PCDH15: variants seen among roughly 807,000 people sequenced by gnomAD.
PCDH15 encodes protocadherin-15.
PCDH15 carries 129 observed loss-of-function variants against 178.5 expected under a neutral mutation model. The observed-to-expected ratio is 0.72, with a 90% CI of 0.63 to 0.84. The LOEUF (loss-of-function observed/expected upper bound fraction) is 0.84, where lower values mean the gene tolerates loss of function less well. Ranked by LOEUF, PCDH15 falls within the 40% of genes least tolerant of loss-of-function variation. The pLI is 0.00. For synonymous variants in PCDH15, 800 were observed against 732.0 expected (o/e 1.09, Z -1.50); for missense variants, 2,230 against 2,099.9 (o/e 1.06, Z -1.21).
Position 55,170,534 on chromosome 10 carries a change from A to T in PCDH15, c.-155-3883T>A, listed in dbSNP as rs570716817. Among the ~76,000 whole-genome samples the T allele has an allele frequency of 2.8e-4, 43 of 152,192 alleles. No individual in the cohort carries two copies. In the South Asian group the frequency reaches 6.8e-3, roughly 24 times the overall value. On this transcript the variant is annotated intron_variant, in intron 1 of 5. Transcript: ENST00000458638. ...GGAAAAGAGAAAAATGTGCTAAGAA[A>T]TTTTTTAAAATGTGATTCCTAGTAG...
chr10:55,206,001 C>T (rs1840388924), intron 1 of PCDH15, among the ~76,000 whole-genome samples: 1 of 151,916 alleles, frequency 6.6e-6, no homozygotes, highest in Non-Finnish European at 1.5e-5. Context: ...ACGAGAACAG[C>T]ATGAGAAAGA....
chr10:54,669,362 CAT>C (rs2094621115), intron 1 of PCDH15, among the ~76,000 whole-genome samples: 1 of 150,558 alleles, frequency 6.6e-6, no homozygotes, highest in African/African-American at 2.4e-5. Flanking sequence ...AAGTTTATAT[CAT>C]ATATTCATCT....
rs1564960443 is a variant in PCDH15, at chr10:53,995,762, T to TA, written c.2754dup (p.Met919TyrfsTer3). On this transcript the variant is annotated frameshift_variant, in exon 21 of 38. Transcript: ENST00000644397. LOFTEE classifies it high-confidence loss of function. ...CTAAAGACAGGAGGATAATCATTCATATCCTGTAAAACACAATTAGGAGTT... is the reference window on the plus strand; with the variant it reads ...CTAAAGACAGGAGGATAATCATTCATAATCCTGTAAAACACAATTAGGAGTT... 1 of 1,613,358 alleles carries TA rather than the reference T, an allele frequency of 6.2e-7. No homozygotes were observed. Among genetic ancestry groups the TA allele is most frequent in the Non-Finnish European group, 8.5e-7 (1 of 1,179,346 alleles).
intron 2 of PCDH15, among the ~76,000 whole-genome samples, chr10:54,949,134 C>T (rs780626604): frequency 1.3e-5 from 2 of 151,584 alleles, no homozygotes; most frequent in Non-Finnish European, 2.9e-5. Flanking sequence ...ATAAATTTTC[C>T]CCTAACTTTA....
At chr10:55,055,817 A>G (rs1841284834) in intron 2 of PCDH15, among the ~76,000 whole-genome samples, 1 of 152,126 alleles carries the variant, frequency 6.6e-6, no homozygotes, top group South Asian at 2.1e-4. Context: ...TCAAAAATCA[A>G]TAAATAAAAA....
intron 2 of PCDH15, among the ~76,000 whole-genome samples, chr10:54,982,147 C>A (rs182938543): frequency 6.6e-6 from 1 of 151,990 alleles, no homozygotes; most frequent in Non-Finnish European, 1.5e-5. Context: ...TATAAATAAA[C>A]AGCAATTATG....
intron 2 of PCDH15, among the ~76,000 whole-genome samples, chr10:55,349,569 A>G (rs545841010): frequency 1.2e-3 from 190 of 152,224 alleles, no homozygotes; most frequent in African/African-American, 3.9e-3. Flanking sequence ...CTCTTCTCAC[A>G]GCACATAACA....
At chr10:55,433,983 T>C (rs914273436) in intron 2 of PCDH15, among the ~76,000 whole-genome samples, 1 of 152,032 alleles carries the variant, frequency 6.6e-6, no homozygotes, top group East Asian at 1.9e-4. Context: ...TCTAATGCTC[T>C]TTTTCTATAT....
At position 54,369,450 on chromosome 10, in the gene PCDH15, T is replaced by C. The variant is rs542270962; in HGVS notation, c.319-175A>G. Among the ~76,000 whole-genome samples the C allele has an allele frequency of 2.6e-3, 394 of 152,144 alleles. 1 individual carries two copies. Among genetic ancestry groups the C allele is most frequent in the Non-Finnish European group, 3.6e-3 (247 of 67,996 alleles). On this transcript the variant is annotated intron_variant, in intron 4 of 37. Coordinates refer to ENST00000644397, the MANE Select transcript of PCDH15 (RefSeq NM_001384140.1). ...AGAGAAGACAATCATAATTAATTTA[T>C]TGTTTAATTTTGTATCTCAGCGTGT...
intron 1 of PCDH15, among the ~76,000 whole-genome samples, chr10:55,189,280 T>A (rs1839880366): frequency 6.6e-6 from 1 of 152,052 alleles, no homozygotes; most frequent in African/African-American, 2.4e-5. Context: ...CTAAAAAAAT[T>A]GACAATAGGA....
At chr10:55,522,891 C>T (rs1000263808) in intron 2 of PCDH15, among the ~76,000 whole-genome samples, 2 of 151,076 alleles carry the variant, frequency 1.3e-5, no homozygotes, top group African/African-American at 4.9e-5. Flanking sequence ...TCTTTTCTTT[C>T]TCCCCTGTTG....
At chr10:55,466,144 T>C (rs1176374452) in intron 2 of PCDH15, among the ~76,000 whole-genome samples, 1 of 152,158 alleles carries the variant, frequency 6.6e-6, no homozygotes, top group Non-Finnish European at 1.5e-5. Context: ...ATTTATATCA[T>C]TTATTTCCTA....
At chr10:54,618,897 A>G (rs932515261) in intron 2 of PCDH15, among the ~76,000 whole-genome samples, 1 of 151,998 alleles carries the variant, frequency 6.6e-6, no homozygotes, top group Non-Finnish European at 1.5e-5. Flanking sequence ...TCCATATGGA[A>G]AAAAAAATTT....
intron 2 of PCDH15, among the ~76,000 whole-genome samples, chr10:55,352,151 AT>A (rs1844954864): frequency 6.6e-6 from 1 of 152,162 alleles, no homozygotes. Flanking sequence ...GAAATTTACC[AT>A]TTGATAATGG....
intron 13 of PCDH15, among the ~76,000 whole-genome samples, chr10:54,181,850 C>T (rs2048012528): frequency 1.3e-5 from 2 of 152,180 alleles, no homozygotes; most frequent in Admixed American, 6.5e-5. Flanking sequence ...CCCAGGCTAT[C>T]ATGTCACCCC....
At chr10:55,477,645 A>C (rs944139616) in intron 2 of PCDH15, among the ~76,000 whole-genome samples, 1 of 152,050 alleles carries the variant, frequency 6.6e-6, no homozygotes, top group Middle Eastern at 3.4e-3. Context: ...GCCATCATTT[A>C]GTGTTCTTAA....
chr10:54,350,870 G>A (rs1944065361), intron 5 of PCDH15, among the ~76,000 whole-genome samples: 1 of 152,090 alleles, frequency 6.6e-6, no homozygotes, highest in Non-Finnish European at 1.5e-5. Context: ...TTGGGAGGCT[G>A]AACTAGATGG....
Position 55,004,153 on chromosome 10 carries a change from A to G in PCDH15, c.-79-106653T>C, listed in dbSNP as rs539471966. 2.6e-5 allele frequency among the ~76,000 whole-genome samples: 4 copies of G among 152,276 alleles called. No homozygotes were observed. In the East Asian group the frequency reaches 7.7e-4, roughly 29 times the overall value. On this transcript the variant is annotated intron_variant, in intron 2 of 5. Transcript: ENST00000458638. ...ATTTGTCTTTGGTGGAAGTGGGGGA[A>G]TGGAGAGAGAAAAATTACATTTCAG...
At chr10:55,212,644 G>C (rs566963344) in intron 1 of PCDH15, among the ~76,000 whole-genome samples, 1 of 152,154 alleles carries the variant, frequency 6.6e-6, no homozygotes, top group Admixed American at 6.5e-5. Flanking sequence ...GGATGTTCCT[G>C]CTCTGTGAAA....
Sources: gnomAD v4.1 joint callset for allele counts (sites outside exome capture counted in the v4.1 genomes callset) on GRCh38, gnomAD v4.1.1 for gene constraint, MANE v1.5 for transcripts, NCBI Gene and HGNC (gene_info 2026-07-23, HGNC 2026-07-21) for gene names.